Variants in CNNM2 observed in about 807,000 individuals in gnomAD.
The protein encoded by CNNM2 is cyclin and CBS domain divalent metal cation transport mediator 2, also known as metal transporter CNNM2.
CNNM2 carries 12 observed loss-of-function variants against 66.9 expected under a neutral mutation model. The observed-to-expected ratio is 0.18, with a 90% confidence interval of 0.11 to 0.29. The LOEUF (loss-of-function observed/expected upper bound fraction) is 0.29, where lower values mean the gene tolerates loss of function less well. Among genes scored for constraint, CNNM2 ranks in the 10% least tolerant of loss-of-function variants. CNNM2 has a pLI of 1.00. For missense variants in CNNM2, 705 were observed against 1,167.7 expected (o/e 0.60, Z 5.77); for synonymous variants, 557 against 501.8 (o/e 1.11, Z -1.47).
intron 1 of CNNM2, among the ~76,000 whole-genome samples, chr10:102,978,930 A>G (rs560848087): frequency 1.3e-5 from 2 of 152,302 alleles, no homozygotes; most frequent in East Asian, 3.9e-4. Context: ...TGAATCATCC[A>G]TGATGTTTTA....
intron 1 of CNNM2, among the ~76,000 whole-genome samples, chr10:103,014,936 T>C (rs766312323): frequency 4.6e-5 from 7 of 152,062 alleles, no homozygotes; most frequent in Non-Finnish European, 7.4e-5. Flanking sequence ...TCCTTAAACA[T>C]TTCAAAACAT....
intron 1 of CNNM2, among the ~76,000 whole-genome samples, chr10:102,978,923 A>G (rs1037216973): frequency 6.6e-6 from 1 of 152,192 alleles, no homozygotes; most frequent in African/African-American, 2.4e-5. Context: ...GTGTGTGTGA[A>G]TCATCCATGA....
chr10:103,043,755 C>T (rs1359339721), intron 1 of CNNM2, among the ~76,000 whole-genome samples: 3 of 152,210 alleles, frequency 2.0e-5, no homozygotes, highest in African/African-American at 4.8e-5. Flanking sequence ...CTGCCCTGCC[C>T]TGAGCACTAG....
In CNNM2 at chr10:102,929,440, CT is replaced by C. The variant is rs66550217; in HGVS notation, c.1621+9345del. Among the ~76,000 whole-genome samples the C allele has an allele frequency of 0.17, 23,089 of 134,370 alleles. 1,921 individuals carry two copies. Among genetic ancestry groups the C allele is most frequent in the East Asian group, 0.28 (1,319 of 4,708 alleles). 88.2% of individuals were successfully genotyped at this position (134,370 alleles called of 152,430 possible). A position where few individuals can be genotyped will look rare whatever the true frequency, so the allele number is the denominator to read the frequency against. On this transcript the variant is annotated intron_variant, in intron 1 of 7. Transcript: ENST00000369878. ...CCTGGGTGACAGAGCAAGAGCATGTCTTTTTTAAAAAAAAAAAAAAAAAGTG... is the reference window on the plus strand; with the variant it reads ...CCTGGGTGACAGAGCAAGAGCATGTCTTTTTAAAAAAAAAAAAAAAAAGTG...
intron 1 of CNNM2, among the ~76,000 whole-genome samples, chr10:103,033,486 G>C (rs566578935): frequency 4.5e-4 from 68 of 151,558 alleles, no homozygotes; most frequent in Non-Finnish European, 8.2e-4. Flanking sequence ...GAGCCACCAC[G>C]CCTGGACAAT....
chr10:102,983,887 T>G (rs1477475848), intron 1 of CNNM2, among the ~76,000 whole-genome samples: 1 of 152,062 alleles, frequency 6.6e-6, no homozygotes, highest in East Asian at 1.9e-4. Context: ...TGCCTCAGCC[T>G]CCTGAGTAGC....
In CNNM2 at chr10:103,009,828, T is replaced by G. The variant is rs74832961; in HGVS notation, c.1622-39879T>G. 8.1e-4 allele frequency among the ~76,000 whole-genome samples: 124 copies of G among 152,300 alleles called. 4 individuals carry two copies. In the East Asian group the frequency reaches 0.023, roughly 28 times the overall value. On this transcript the variant is annotated intron_variant, in intron 1 of 7. Coordinates refer to ENST00000369878, the MANE Select transcript of CNNM2 (RefSeq NM_017649.5). ...TAGTAATCAAGAGCTGTTGACTGTT[T>G]GGAAGATTACCTTGTTTATTGCTGT...
chr10:103,041,566 A>G (rs557354157), intron 1 of CNNM2, among the ~76,000 whole-genome samples: 1 of 152,266 alleles, frequency 6.6e-6, no homozygotes, highest in East Asian at 1.9e-4. Context: ...AAAGGGCTCG[A>G]GGGGAAAGCA....
intron 2 of CNNM2, among the ~76,000 whole-genome samples, chr10:103,051,543 C>G (rs1009714959): frequency 1.3e-5 from 2 of 151,582 alleles, no homozygotes; most frequent in Admixed American, 1.3e-4. Context: ...GAGTTAGAGA[C>G]CAGCCTGACC....
At chr10:102,927,914 C>T (rs1472354422) in intron 1 of CNNM2, among the ~76,000 whole-genome samples, 3 of 152,156 alleles carry the variant, frequency 2.0e-5, no homozygotes, top group East Asian at 3.9e-4. Context: ...GTGAGATCTT[C>T]GTGTCATCCT....
intron 1 of CNNM2, among the ~76,000 whole-genome samples, chr10:102,979,971 C>T (rs961091931): frequency 8.6e-5 from 13 of 151,552 alleles, no homozygotes; most frequent in South Asian, 2.1e-4. Context: ...TGGAGTGCGG[C>T]GGGGTGATCT....
In CNNM2 at chr10:102,918,705, C is replaced by T; in HGVS notation, c.225C>T (p.Ile75=). 1 of 1,563,594 alleles carries T rather than the reference C, an allele frequency of 6.4e-7. No individual in the cohort carries two copies. ...GCGAGAATGAGGAGACGGTGATCATCGGGCTGCGACTGGAGGACACGAACG... is the reference window on the plus strand; with the variant it reads ...GCGAGAATGAGGAGACGGTGATCATTGGGCTGCGACTGGAGGACACGAACG... ...AVGENEETVI[I]GLRLEDTNDV... is the part of the protein sequence containing the mutation. The change falls in exon 1 of 8, where the codon ATC becomes ATT. Residue 75 remains isoleucine, a synonymous_variant. Transcript: ENST00000369878. This position sits in a 1 kb window ranked among gnomAD's most constrained non-coding sequence, Gnocchi z 4.1.
intron 1 of CNNM2, among the ~76,000 whole-genome samples, chr10:103,048,946 C>T (rs909651040): frequency 6.6e-6 from 1 of 152,062 alleles, no homozygotes. Flanking sequence ...GCCTCGAACT[C>T]CTGGATCCTC....
chr10:103,031,714 A>G (rs1005938511), intron 1 of CNNM2, among the ~76,000 whole-genome samples: 3 of 152,080 alleles, frequency 2.0e-5, no homozygotes, highest in African/African-American at 7.2e-5. Context: ...GTGAAATGAG[A>G]AGGAGGGAAA....
Position 102,953,493 on chromosome 10 carries a change from C to T in CNNM2, c.1621+33392C>T, listed in dbSNP as rs1590301626. ...AGGCTGGTTTTGAACTCCTGAAGAC[C>T]TCAAGTGATCCACCTGCCTCGGCCT... is the stretch of plus-strand genomic sequence containing the variant. On this transcript the variant is annotated intron_variant, in intron 1 of 7. Transcript: ENST00000369878. Among the ~76,000 whole-genome samples the T allele has an allele frequency of 2.0e-5, 3 of 152,142 alleles. No individual in the cohort carries two copies. In the East Asian group the frequency reaches 5.8e-4, roughly 29 times the overall value.
At chr10:103,062,915 C>T (rs1342070690) in intron 4 of CNNM2, among the ~76,000 whole-genome samples, 4 of 152,178 alleles carry the variant, frequency 2.6e-5, no homozygotes, top group African/African-American at 4.8e-5. Context: ...TCTTGTTGAA[C>T]GGCAGATCCT....
chr10:102,930,161 A>T (rs1008062803), intron 1 of CNNM2, among the ~76,000 whole-genome samples: 6 of 152,166 alleles, frequency 3.9e-5, no homozygotes, highest in Non-Finnish European at 7.4e-5. Flanking sequence ...GTGGAGGAGA[A>T]AGAGTTAAGA....
intron 1 of CNNM2, among the ~76,000 whole-genome samples, chr10:102,937,707 A>G (rs887374570): frequency 2.6e-5 from 4 of 152,074 alleles, no homozygotes; most frequent in Non-Finnish European, 4.4e-5. Flanking sequence ...GTTTGATTAT[A>G]CTCCTAAAAC....
chr10:102,959,368 G>A (rs1333495998), intron 1 of CNNM2, among the ~76,000 whole-genome samples: 1 of 152,178 alleles, frequency 6.6e-6, no homozygotes, highest in Admixed American at 6.6e-5. Flanking sequence ...GGAAGCTGCA[G>A]TCTGTATCTG....
Sources: allele counts gnomAD v4.1 joint callset (sites outside exome capture counted in the v4.1 genomes callset), GRCh38; gene constraint gnomAD v4.1.1; non-coding constraint Gnocchi (gnomAD v3.1); transcripts MANE v1.5; gene names NCBI Gene and HGNC (gene_info 2026-07-23, HGNC 2026-07-21).